The following ZSCAN5A variants were observed in gnomAD, a reference collection of about 807,000 sequenced individuals.
ZSCAN5A encodes the protein zinc finger and SCAN domain containing 5A, also known as zinc finger and SCAN domain-containing protein 5A.
A neutral mutation model predicts 23.7 loss-of-function variants in ZSCAN5A; 12 were observed. The observed-to-expected ratio is 0.51, with a 90% CI of 0.32 to 0.82. The LOEUF is 0.82. Among genes scored for constraint, ZSCAN5A ranks in the 40% least tolerant of loss-of-function variants. ZSCAN5A has a pLI of 0.03. For synonymous variants in ZSCAN5A, 257 were observed against 239.9 expected, an observed-to-expected ratio of 1.07 and a Z score of -0.66; for missense variants, 597 against 617.9, an observed-to-expected ratio of 0.97 and a Z score of 0.36.
At chr19:56,327,069 T>G (rs1325686866) in intron 2 of ZSCAN5A, among the ~76,000 whole-genome samples, 2 of 152,108 alleles carry the variant, frequency 1.3e-5, no homozygotes, top group Non-Finnish European at 2.9e-5. Flanking sequence ...TGATTTTTTT[T>G]TTTTGTTAGA....
At chr19:56,302,094 G>C (rs1384467614) in intron 2 of ZSCAN5A, 2 of 1,231,774 alleles carry the variant, frequency 1.6e-6, no homozygotes, top group East Asian at 6.3e-5. Context: ...AAAGGGGACT[G>C]GGTAAGAAGA....
chr19:56,259,354 G>A (rs896861181), intron 2 of ZSCAN5A, among the ~76,000 whole-genome samples: 1 of 152,036 alleles, frequency 6.6e-6, no homozygotes, highest in African/African-American at 2.4e-5. Flanking sequence ...GTGAGCTACC[G>A]CGCCTGGCTG....
intron 2 of ZSCAN5A, among the ~76,000 whole-genome samples, chr19:56,267,594 A>G (rs2037564460): frequency 6.6e-6 from 1 of 152,212 alleles, no homozygotes; most frequent in Non-Finnish European, 1.5e-5. Context: ...GGTAGCACGG[A>G]TACAGGACAT....
At chr19:56,258,965 A>T (rs1405982351) in intron 2 of ZSCAN5A, among the ~76,000 whole-genome samples, 1 of 152,106 alleles carries the variant, frequency 6.6e-6, no homozygotes, top group East Asian at 1.9e-4. Flanking sequence ...AGAGGACCTG[A>T]GACAGCATGA....
rs2147462524 is a variant in ZSCAN5A at position 56,353,913 on chromosome 19, G to T, written c.-358+9322C>A. 2.6e-5 allele frequency among the ~76,000 whole-genome samples: 4 copies of T among 152,332 alleles called. No individual in the cohort carries two copies. In the South Asian group the frequency reaches 8.3e-4, roughly 32 times the overall value. ...CCACATGTCCATCGACAGATGAACA[G>T]ATAAACAGAATGTACTCTATACAAA... On this transcript the variant is annotated intron_variant, in intron 2 of 6. Coordinates refer to the ZSCAN5A transcript ENST00000587340.
At chr19:56,292,764 T>C (rs1217879411) in intron 2 of ZSCAN5A, among the ~76,000 whole-genome samples, 2 of 152,314 alleles carry the variant, frequency 1.3e-5, no homozygotes, top group East Asian at 1.9e-4. Flanking sequence ...TTTCACTTTC[T>C]GTCTCTGCAA....
intron 2 of ZSCAN5A, among the ~76,000 whole-genome samples, chr19:56,348,335 T>G (rs2041647692): frequency 6.6e-6 from 1 of 152,138 alleles, no homozygotes; most frequent in African/African-American, 2.4e-5. Flanking sequence ...TTTCTCAACC[T>G]TAGTTGACAC....
chr19:56,292,777 T>A (rs1008832538), intron 2 of ZSCAN5A, among the ~76,000 whole-genome samples: 8 of 152,228 alleles, frequency 5.3e-5, no homozygotes, highest in African/African-American at 1.9e-4. Context: ...CTCTGCAAGT[T>A]TGAGGATTCT....
intron 2 of ZSCAN5A, chr19:56,247,278 T>A: frequency 3.0e-6 from 1 of 331,586 alleles, no homozygotes; most frequent in Non-Finnish European, 5.8e-6. Flanking sequence ...CCTTGAAGTG[T>A]CACAAGAGGA....
chr19:56,333,272 T>C (rs191380605), intron 2 of ZSCAN5A, among the ~76,000 whole-genome samples: 390 of 152,214 alleles, frequency 2.6e-3, no homozygotes, highest in Non-Finnish European at 4.5e-3. Context: ...ATTTACCTTT[T>C]CTCCTTCTCT....
At chr19:56,301,235 C>A (rs1381195066) in intron 2 of ZSCAN5A, among the ~76,000 whole-genome samples, 1 of 152,178 alleles carries the variant, frequency 6.6e-6, no homozygotes, top group Non-Finnish European at 1.5e-5. Context: ...ACTGAGTCTC[C>A]TTATAGTTAT....
At chr19:56,222,453 A>G (rs997557497) in intron 5 of ZSCAN5A, 127 bp from the exon 6 acceptor site, 1 of 1,550,962 alleles carries the variant, frequency 6.4e-7, no homozygotes, top group African/African-American at 1.4e-5. Context: ...ATTGGACTGT[A>G]GGTCTCTGGA....
At chr19:56,280,301 G>C (rs2038592839) in intron 2 of ZSCAN5A, among the ~76,000 whole-genome samples, 1 of 152,102 alleles carries the variant, frequency 6.6e-6, no homozygotes, top group Non-Finnish European at 1.5e-5. Context: ...GTTTTTGGCT[G>C]AATAATATTT....
chr19:56,359,270 C>A (rs58129651), intron 2 of ZSCAN5A, among the ~76,000 whole-genome samples: 1 of 151,998 alleles, frequency 6.6e-6, no homozygotes, highest in African/African-American at 2.4e-5. Context: ...CACAGAGATA[C>A]AAACTACTGT....
intron 2 of ZSCAN5A, chr19:56,228,466 T>G: frequency 1.0e-6 from 1 of 982,054 alleles, no homozygotes. Context: ...AGGAAATTAA[T>G]GTACTAAACA....
intron 2 of ZSCAN5A, among the ~76,000 whole-genome samples, chr19:56,268,678 TCAGTGG>T (rs1250362533): frequency 2.0e-5 from 3 of 152,300 alleles, no homozygotes; most frequent in Non-Finnish European, 2.9e-5. Flanking sequence ...AGTGTACAAT[TCAGTGG>T]CCTTTAGTGC....
intron 2 of ZSCAN5A, chr19:56,245,362 G>A: frequency 4.0e-6 from 3 of 752,232 alleles, no homozygotes; most frequent in Non-Finnish European, 2.5e-6. Context: ...TGCGTCCGGG[G>A]GAAGGCCAGG....
chr19:56,330,394 T>C (rs550419921), intron 2 of ZSCAN5A, among the ~76,000 whole-genome samples: 18 of 152,344 alleles, frequency 1.2e-4, no homozygotes, highest in Admixed American at 1.0e-3. Context: ...TTTAAGTTCT[T>C]TGAAAAATCT....
chr19:56,326,559 A>C (rs974187875), intron 2 of ZSCAN5A, among the ~76,000 whole-genome samples: 48 of 152,164 alleles, frequency 3.2e-4, no homozygotes, highest in African/African-American at 1.0e-3. Context: ...TATTCCACAT[A>C]TAAATGGGAA....
Sources: gnomAD v4.1 joint callset for allele counts (sites outside exome capture counted in the v4.1 genomes callset) on GRCh38, gnomAD v4.1.1 for gene constraint, MANE v1.5 for transcripts, NCBI Gene and HGNC (gene_info 2026-07-23, HGNC 2026-07-21) for gene names.